Variants in WDR17 observed in about 807,000 individuals in gnomAD.
WDR17 encodes WD repeat-containing protein 17.
WDR17 carries 143 observed loss-of-function variants against 161.7 expected under a neutral mutation model. That is an observed-to-expected ratio of 0.88 (90% CI 0.77 to 1.02). The LOEUF is 1.02. Among genes scored for constraint, WDR17 ranks in the 50% least tolerant of loss-of-function variants. WDR17 has a pLI of 0.00. For missense variants in WDR17, 1,469 were observed against 1,520.9 expected, an observed-to-expected ratio of 0.97 and a Z score of 0.57; for synonymous variants, 517 against 515.6, an observed-to-expected ratio of 1.00 and a Z score of -0.04.
intron 1 of WDR17, among the ~76,000 whole-genome samples, chr4:176,079,865 T>C (rs749750223): frequency 5.6e-4 from 85 of 152,006 alleles, no homozygotes; most frequent in Admixed American, 2.4e-3. Flanking sequence ...CATGCTAACA[T>C]GCTTAACATG....
intron 1 of WDR17, among the ~76,000 whole-genome samples, chr4:176,084,788 A>AAAT (rs1735218152): frequency 1.4e-5 from 2 of 146,012 alleles, no homozygotes; most frequent in African/African-American, 5.0e-5. Flanking sequence ...ATATATATAA[A>AAAT]ATATATATAT....
chr4:176,153,825 CAT>C (rs1266885442), intron 17 of WDR17, among the ~76,000 whole-genome samples: 5 of 152,100 alleles, frequency 3.3e-5, no homozygotes, highest in African/African-American at 7.2e-5. Context: ...CAAATAATAA[CAT>C]GTGCCATTTT....
intron 28 of WDR17, 51 bp from the exon 29 acceptor site, chr4:176,179,409 C>A (rs768115688): frequency 1.4e-6 from 2 of 1,395,790 alleles, no homozygotes; most frequent in Non-Finnish European, 1.9e-6. Flanking sequence ...TTTAAAAATA[C>A]TTTGCAAATT....
intron 8 of WDR17, among the ~76,000 whole-genome samples, chr4:176,136,300 C>T (rs947983718): frequency 2.0e-5 from 3 of 151,642 alleles, no homozygotes; most frequent in Admixed American, 6.6e-5. Context: ...GTATGCACCT[C>T]CACTGTAGGT....
intron 7 of WDR17, among the ~76,000 whole-genome samples, chr4:176,133,378 TAAAAAAA>T (rs571544131): frequency 4.1e-5 from 3 of 72,974 alleles, no homozygotes; most frequent in African/African-American, 4.4e-5. Context: ...TCTACTAAGC[TAAAAAAA>T]AAAAAAAAAA....
intron 7 of WDR17, among the ~76,000 whole-genome samples, chr4:176,133,526 C>T (rs998566467): frequency 2.7e-4 from 41 of 151,102 alleles, no homozygotes; most frequent in African/African-American, 9.7e-4. Flanking sequence ...ATGCCGAATA[C>T]TAAATACTAA....
intron 1 of WDR17, among the ~76,000 whole-genome samples, chr4:176,100,488 C>T (rs750688516): frequency 6.6e-6 from 1 of 151,860 alleles, no homozygotes; most frequent in Non-Finnish European, 1.5e-5. Flanking sequence ...GATATTAGTC[C>T]CCTGTTGGAT....
At chr4:176,125,012 A>G in intron 4 of WDR17, 92 bp from the exon 5 acceptor site, 1 of 1,392,698 alleles carries the variant, frequency 7.2e-7, no homozygotes, top group Non-Finnish European at 9.8e-7. Context: ...ACCCTCAGAG[A>G]TAGATATTGT....
At chr4:176,121,469 A>G (rs994834088) in intron 4 of WDR17, among the ~76,000 whole-genome samples, 1 of 152,048 alleles carries the variant, frequency 6.6e-6, no homozygotes, top group Non-Finnish European at 1.5e-5. Flanking sequence ...GTCATTAGTG[A>G]TATTCCTCCA....
chr4:176,102,550 T>TC (rs1333677286), intron 1 of WDR17, among the ~76,000 whole-genome samples: 6 of 152,352 alleles, frequency 3.9e-5, no homozygotes, highest in African/African-American at 1.4e-4. Flanking sequence ...ACATGGATGT[T>TC]TATAGCAGCT....
At chr4:176,142,496 C>T (rs1003142307) in intron 11 of WDR17, among the ~76,000 whole-genome samples, 12 of 152,138 alleles carry the variant, frequency 7.9e-5, no homozygotes, top group Admixed American at 3.9e-4. Context: ...TAATTTTCCA[C>T]GATGTGGAAC....
chr4:176,153,011 G>A (rs532048163), intron 17 of WDR17, among the ~76,000 whole-genome samples: 1 of 151,928 alleles, frequency 6.6e-6, no homozygotes, highest in Non-Finnish European at 1.5e-5. Context: ...GTAGATGTTA[G>A]GAGAGTAGTT....
At chr4:176,155,371 T>C (rs1260880837) in intron 17 of WDR17, among the ~76,000 whole-genome samples, 2 of 151,696 alleles carry the variant, frequency 1.3e-5, no homozygotes, top group African/African-American at 2.4e-5. Context: ...AATTAAAAGA[T>C]AGCAATAAAA....
chr4:176,123,198 T>A (rs1741876805), intron 4 of WDR17, among the ~76,000 whole-genome samples: 1 of 152,208 alleles, frequency 6.6e-6, no homozygotes. Context: ...ATTTTAGGAA[T>A]GTTGTTGATG....
chr4:176,067,923 A>G (rs1561055427), intron 1 of WDR17, among the ~76,000 whole-genome samples: 1 of 152,234 alleles, frequency 6.6e-6, no homozygotes, highest in Non-Finnish European at 1.5e-5. Flanking sequence ...ACTATTAATG[A>G]AATGTGTAAA....
intron 1 of WDR17, among the ~76,000 whole-genome samples, chr4:176,070,197 T>G (rs1339842044): frequency 6.6e-6 from 1 of 152,220 alleles, no homozygotes; most frequent in Non-Finnish European, 1.5e-5. Flanking sequence ...AATATAATAG[T>G]GGATACGTTT....
At chr4:176,089,108 A>AT (rs1443439730) in intron 1 of WDR17, among the ~76,000 whole-genome samples, 1 of 152,072 alleles carries the variant, frequency 6.6e-6, no homozygotes, top group Non-Finnish European at 1.5e-5. Context: ...ACTGCTGTGG[A>AT]TTTTTAGTAT....
chr4:176,143,106 C>T (rs1250407297), intron 11 of WDR17, among the ~76,000 whole-genome samples: 1 of 152,124 alleles, frequency 6.6e-6, no homozygotes, highest in Non-Finnish European at 1.5e-5. Context: ...CTCGAATTCC[C>T]GACCTCAGGT....
intron 1 of WDR17, among the ~76,000 whole-genome samples, chr4:176,084,855 T>C (rs946458349): frequency 4.0e-5 from 6 of 150,250 alleles, no homozygotes; most frequent in African/African-American, 1.5e-4. Context: ...AATCATTTAC[T>C]GAAAGGTCTG....
Sources: gnomAD v4.1 joint callset for allele counts (sites outside exome capture counted in the v4.1 genomes callset) on GRCh38, gnomAD v4.1.1 for gene constraint, MANE v1.5 for transcripts, NCBI Gene and HGNC (gene_info 2026-07-23, HGNC 2026-07-21) for gene names.